ITGA7: variants seen among roughly 807,000 people sequenced by gnomAD.
ITGA7 encodes integrin alpha-7.
In ITGA7, 84 loss-of-function variants were observed where a neutral mutation model predicts 131.6. That is an observed-to-expected ratio of 0.64 (90% CI 0.54 to 0.77). ITGA7 has a LOEUF of 0.77. ITGA7 is among the 30% of genes least tolerant of loss of function. The probability of loss-of-function intolerance (pLI) is 0.00; values close to 1 mark genes in which losing one functional copy is unlikely to be tolerated. For synonymous variants in ITGA7, 548 were observed against 600.7 expected (o/e 0.91, Z 1.28); for missense variants, 1,399 against 1,482.9 (o/e 0.94, Z 0.93).
chr12:55,694,640 C>T lies in ITGA7; in HGVS notation c.2252G>A (p.Gly751Glu), dbSNP rs1872230414. ...ENASHVECEL[G>E]NPMKRGAQVT... Reference sequence around the variant, plus strand: ...CTGGGCACCTCTCTTCATGGGGTTCCCCAGCTCACACTCAACATGGGAGGC... The same window carrying T: ...CTGGGCACCTCTCTTCATGGGGTTCTCCAGCTCACACTCAACATGGGAGGC... The change falls in exon 16 of 25, where the codon GGG becomes GAG. Residue 751 changes from glycine (G) to glutamate (E), a missense_variant. Transcript: ENST00000257879. This position sits in a 1 kb window ranked among gnomAD's most constrained non-coding sequence, Gnocchi z 5.3. The T allele has an allele frequency of 1.2e-6, 2 of 1,614,104 alleles. No individual in the cohort carries two copies. Among genetic ancestry groups the T allele is most frequent in the Non-Finnish European group, 1.7e-6 (2 of 1,180,006 alleles).
chr12:55,695,777 T>C (rs923196691), intron 13 of ITGA7, 140 bp from the exon 14 acceptor site: 6 of 673,036 alleles, frequency 8.9e-6, no homozygotes, highest in Admixed American at 2.1e-5. Context: ...TTATTAGCCA[T>C]GTGATCCTGA....
Position 55,685,091 on chromosome 12 carries a change from G to T in ITGA7, c.3381C>A (p.Gly1127=). 3 of 1,603,926 alleles carry T rather than the reference G, an allele frequency of 1.9e-6. No individual in the cohort carries two copies. Among genetic ancestry groups the T allele is most frequent in the Non-Finnish European group, 1.7e-6 (2 of 1,176,710 alleles). ...ILAADGHPEL[G]PDGHPGPGTA ...TGCCTGGCCCTGGATGCCCATCGGG[G>T]CCCAGCTCGGGATGCCCGTCAGCAG... Residue 1127 remains glycine, a synonymous_variant, in exon 25 of 25, where the codon GGC becomes GGA. Coordinates refer to ENST00000257879, the MANE Select transcript of ITGA7 (RefSeq NM_002206.3).
At chr12:55,698,998 C>T in intron 5 of ITGA7, 81 bp from the exon 6 acceptor site, 1 of 1,320,076 alleles carries the variant, frequency 7.6e-7, no homozygotes, top group Non-Finnish European at 1.1e-6. Context: ...CCAGCCCCTG[C>T]CCCCTCCCTA....
Position 55,702,939 on chromosome 12 carries a change from T to C in ITGA7, c.347A>G (p.Lys116Arg). 2 of 1,613,194 alleles carry C rather than the reference T, an allele frequency of 1.2e-6. No homozygotes were observed. Among genetic ancestry groups the C allele is most frequent in the Non-Finnish European group, 1.7e-6 (2 of 1,180,008 alleles). ...VDIDQGADMQ[K>R]ESKENQWLGV... ...CAACCACTGGTTCTCCTTGCTTTCC[T>C]TTTGCATATCAGCTAGAGGCAGGAC... is the stretch of plus-strand genomic sequence containing the variant. Residue 116 changes from lysine (K) to arginine (R), a missense_variant, in exon 3 of 25, where the codon AAG (lysine) becomes AGG (arginine). Physicochemically the swap from Lys to Arg is conservative, Grantham distance 26 (BLOSUM62 2). Transcript: ENST00000257879.
In ITGA7 at chr12:55,692,827, G is replaced by C; in HGVS notation, c.2844+17C>G. 1.3e-6 allele frequency: 2 copies of C among 1,599,516 alleles called. No individual in the cohort carries two copies. Among genetic ancestry groups the C allele is most frequent in the South Asian group, 1.1e-5 (1 of 89,106 alleles). On this transcript the variant is annotated intron_variant, in intron 21 of 24. Coordinates refer to ENST00000257879, the MANE Select transcript of ITGA7 (RefSeq NM_002206.3). ...CACCCCGGAGCTCTGGCTGCACCGA[G>C]TCTGGCCTGCCCTCACCAGGGTGAT...
At chr12:55,689,860 A>T in intron 21 of ITGA7, among the ~76,000 whole-genome samples, 1 of 152,126 alleles carries the variant, frequency 6.6e-6, no homozygotes. Context: ...TGAGAAAAAC[A>T]ACCAGTGGGG....
chr12:55,698,265 TA>T, intron 7 of ITGA7, 117 bp downstream of exon 7: 1 of 1,012,818 alleles, frequency 9.9e-7, no homozygotes, highest in Non-Finnish European at 1.4e-6. Context: ...AGCTCAGACA[TA>T]AGCTCAGGGA....
chr12:55,701,222 A>G (rs1873941404), intron 3 of ITGA7, 68 bp from the exon 4 acceptor site: 1 of 1,610,200 alleles, frequency 6.2e-7, no homozygotes, highest in Non-Finnish European at 8.5e-7. Context: ...CATGCTGCCC[A>G]TATGCAGAGA....
upstream of ITGA7, chr12:55,716,068 G>C (rs545542768): frequency 6.4e-4 from 1,002 of 1,566,678 alleles, no homozygotes; most frequent in Admixed American, 9.5e-4. Context: ...CCGGGGAGCC[G>C]AGGTGAGCGT....
upstream of ITGA7, among the ~76,000 whole-genome samples, chr12:55,708,602 A>G (rs1195553889): frequency 6.7e-6 from 1 of 149,618 alleles, no homozygotes. Flanking sequence ...TTAATTGACA[A>G]GGGATGGAAT....
intron 1 of ITGA7, among the ~76,000 whole-genome samples, chr12:55,706,596 G>A (rs1875238135): frequency 6.6e-6 from 1 of 152,112 alleles, no homozygotes; most frequent in African/African-American, 2.4e-5. Flanking sequence ...CATGTAGCAA[G>A]AGCCAAGGAT....
At chr12:55,699,769 G>T in intron 5 of ITGA7, 101 bp downstream of exon 5, 1 of 1,395,220 alleles carries the variant, frequency 7.2e-7, no homozygotes, top group Non-Finnish European at 9.9e-7. Context: ...GGTGTGTGTT[G>T]GGGGAGGAGG....
upstream of ITGA7, among the ~76,000 whole-genome samples, chr12:55,709,324 C>T (rs187301567): frequency 3.9e-5 from 6 of 152,174 alleles, no homozygotes; most frequent in East Asian, 9.6e-4. Context: ...TCTGTCTTTC[C>T]TACTTCATTG....
rs777338785 is a variant in ITGA7, at chr12:55,703,108, C to T, written c.277G>A (p.Ala93Thr). The T allele has an allele frequency of 1.7e-5, 28 of 1,613,864 alleles. No individual in the cohort carries two copies. The highest frequency in any genetic ancestry group is 1.2e-4 in the Admixed American group (7 of 60,008). Residue 93 changes from alanine (A) to threonine (T), a missense_variant, in exon 2 of 25, where the codon GCT (alanine) becomes ACT (threonine). Coordinates refer to ENST00000257879, the MANE Select transcript of ITGA7 (RefSeq NM_002206.3). ...GTCTCCTCCAGGCTCAACGGGCAAG[C>T]GAAGAGGCCTCCAGTGCGATTCGCC... The part of the protein sequence containing the change: ...QQANRTGGLF[A>T]CPLSLEETDC...
rs1565628223 is a variant in ITGA7, at chr12:55,697,480, C to T, written c.1476G>A (p.Gln492=). ...CCGAGTGGCCGCCAGCACAGTTGGG[C>T]TGCTCCAGGTCGATGCTTCGTGGAG... ...SIAPRSIDLE[Q]PNCAGGHSVC... is the part of the protein sequence containing the mutation. The change falls in exon 10 of 25, where the codon CAG becomes CAA. Residue 492 remains glutamine, a synonymous_variant. Transcript: ENST00000257879. The T allele has an allele frequency of 7.4e-6, 12 of 1,614,130 alleles. No homozygotes were observed. Among genetic ancestry groups the T allele is most frequent in the Non-Finnish European group, 1.0e-5 (12 of 1,180,042 alleles).
At chr12:55,693,417 C>G in intron 19 of ITGA7, 100 bp from the exon 20 acceptor site, 1 of 1,079,572 alleles carries the variant, frequency 9.3e-7, no homozygotes, top group Non-Finnish European at 1.3e-6. Flanking sequence ...CCAGGCTTGT[C>G]TCTAACTCCT....
rs757996389 is a variant in ITGA7, at chr12:55,703,198, C to G, written c.207-20G>C. 3 of 1,603,920 alleles carry G rather than the reference C, an allele frequency of 1.9e-6. No individual in the cohort carries two copies. In the African/African-American group the frequency reaches 4.0e-5, roughly 21 times the overall value. On this transcript the variant is annotated intron_variant, in intron 1 of 24. Coordinates refer to ENST00000257879, the MANE Select transcript of ITGA7 (RefSeq NM_002206.3). ...AGCAGCCTGCAAGATGGGGCAGGGG[C>G]AGGGACAGGGACAGGAGTTAGAGGT...
chr12:55,693,732 G>GC (rs1555160635), intron 19 of ITGA7, among the ~76,000 whole-genome samples: 2 of 151,706 alleles, frequency 1.3e-5, no homozygotes, highest in Non-Finnish European at 2.9e-5. Context: ...TTAACCCCCC[G>GC]CCCCATGTTC....
chr12:55,712,453 C>T, upstream of ITGA7: 1 of 607,388 alleles, frequency 1.6e-6, no homozygotes, highest in Non-Finnish European at 3.0e-6. Flanking sequence ...TCAGCAGCTT[C>T]CAGCCCTGTT....
Sources: gnomAD v4.1 joint callset for allele counts (sites outside exome capture counted in the v4.1 genomes callset) on GRCh38, gnomAD v4.1.1 for gene constraint, Gnocchi (gnomAD v3.1) non-coding constraint, MANE v1.5 for transcripts, NCBI Gene and HGNC (gene_info 2026-07-23, HGNC 2026-07-21) for gene names.